Variants in FAT2 observed in about 807,000 individuals in gnomAD.
FAT2 encodes FAT atypical cadherin 2.
Under a neutral mutation model 295.3 loss-of-function variants are expected in FAT2, and 150 were observed. The ratio of observed to expected loss-of-function variants is 0.51; its 90% CI spans 0.44 to 0.58. FAT2 has a LOEUF of 0.58. Ranked by LOEUF, FAT2 falls within the 20% of genes least tolerant of loss-of-function variation. The pLI is 0.00. For missense variants in FAT2, 4,868 were observed against 5,442.7 expected (o/e 0.89, Z 3.32); for synonymous variants, 2,026 against 2,150.3 (o/e 0.94, Z 1.60).
intron 23 of FAT2, 42 bp from the exon 24 acceptor site, chr5:151,506,139 C>G: frequency 6.7e-7 from 1 of 1,490,006 alleles, no homozygotes; most frequent in Non-Finnish European, 8.9e-7. Flanking sequence ...ATTTTCTCCC[C>G]GGAAGGTTTC....
rs1554131128 is a variant in FAT2 at position 151,551,976 on chromosome 5, G to GGGGTGTGT, written c.4157-371_4157-370insACACACCC. Among the ~76,000 whole-genome samples, 198 of 143,648 alleles carry GGGGTGTGT rather than the reference G, an allele frequency of 1.4e-3. 4 individuals are homozygous for GGGGTGTGT. The East Asian group carries it at 0.015, about 11-fold the overall frequency. The allele number at this position is 143,648 out of a possible 152,430, so 94.2% of individuals were successfully genotyped here. A position where few individuals can be genotyped will look rare whatever the true frequency, so the allele number is the denominator to read the frequency against. Reference sequence around the variant, plus strand: ...AACAATACTTTAATATAACCCTAAGGGTGTGTGTGTGTGTGTGTGTGTGTG... The same window carrying GGGGTGTGT: ...AACAATACTTTAATATAACCCTAAGGGGGTGTGTGTGTGTGTGTGTGTGTGTGTGTGTG... On this transcript the variant is annotated intron_variant, in intron 6 of 23. Transcript: ENST00000261800.
chr5:151,523,186 C>T (rs1276172316), intron 18 of FAT2, among the ~76,000 whole-genome samples: 2 of 151,798 alleles, frequency 1.3e-5, no homozygotes, highest in Non-Finnish European at 2.9e-5. Flanking sequence ...TGCATAACAC[C>T]GAAGAGATAT....
chr5:151,551,378 C>T (rs2127623161), intron 7 of FAT2, 89 bp downstream of exon 7: 1 of 1,370,848 alleles, frequency 7.3e-7, no homozygotes, highest in Non-Finnish European at 1.0e-6. Flanking sequence ...AGGAACACCA[C>T]ATCCACAGAA....
intron 4 of FAT2, among the ~76,000 whole-genome samples, chr5:151,555,094 G>A (rs749281098): frequency 2.6e-5 from 4 of 152,200 alleles, no homozygotes; most frequent in Non-Finnish European, 2.9e-5. Flanking sequence ...ACATGTGCAC[G>A]TGGCCTGATG....
In FAT2 at chr5:151,566,654, C is replaced by T; in HGVS notation, c.2278G>A (p.Glu760Lys). Residue 760 changes from glutamate (E) to lysine (K), a missense_variant, in exon 2 of 24, where the codon GAG becomes AAG. By Grantham distance (56) the Glu-to-Lys change is moderately conservative. This residue lies in a region of FAT2 where 3,297 missense variants were observed against 3,669.4 expected (regional missense o/e 0.90). Coordinates refer to ENST00000261800, the MANE Select transcript of FAT2 (RefSeq NM_001447.3). ...LVYVIADGNE[E>K]GCFDIELETG... ...TCCAGCTCTATGTCAAAGCAGCCCT[C>T]CTCATTGCCATCTGCAATCACATAG... 2 of 1,614,184 alleles carry T rather than the reference C, an allele frequency of 1.2e-6. No homozygotes were observed. Among genetic ancestry groups the T allele is most frequent in the Non-Finnish European group, 1.7e-6 (2 of 1,180,038 alleles).
rs1756225929 is a variant in FAT2 at position 151,542,265 on chromosome 5, T to C, written c.8842+20A>G. On this transcript the variant is annotated intron_variant, in intron 10 of 23. Coordinates refer to ENST00000261800, the MANE Select transcript of FAT2 (RefSeq NM_001447.3). ...TTTCGATACATTCCAGAGCCTGCAG[T>C]CCATGACAGGTGTTCTTACCTGTGA... is the stretch of plus-strand genomic sequence containing the variant. 1.3e-6 allele frequency: 2 copies of C among 1,566,610 alleles called. No homozygotes were observed. The highest frequency in any genetic ancestry group is 1.7e-6 in the Non-Finnish European group (2 of 1,157,224).
At chr5:151,570,710 AGATGCGCTG>A (rs1361011265) in intron 1 of FAT2, among the ~76,000 whole-genome samples, 2 of 152,202 alleles carry the variant, frequency 1.3e-5, no homozygotes, top group African/African-American at 4.8e-5. Context: ...GCTGCCAGCC[AGATGCGCTG>A]GAGCATTCTT....
chr5:151,562,405 TA>T (rs952477626), intron 3 of FAT2, among the ~76,000 whole-genome samples: 1 of 152,132 alleles, frequency 6.6e-6, no homozygotes, highest in Admixed American at 6.5e-5. Context: ...GATGAGGCTT[TA>T]AGAAGTGTCT....
intron 2 of FAT2, 138 bp from the exon 3 acceptor site, chr5:151,563,777 C>A: frequency 1.5e-6 from 1 of 663,258 alleles, no homozygotes; most frequent in South Asian, 2.1e-5. Context: ...GAAGGAACTG[C>A]TTCTACCAGT....
intron 18 of FAT2, 46 bp from the exon 19 acceptor site, chr5:151,522,132 C>G (rs1350987312): frequency 1.4e-6 from 2 of 1,435,218 alleles, no homozygotes; most frequent in Admixed American, 2.2e-5. Flanking sequence ...AACTGCAGTG[C>G]TCTTGCGCCC....
chr5:151,591,402 C>T (rs1759401753), upstream of FAT2, among the ~76,000 whole-genome samples: 1 of 152,180 alleles, frequency 6.6e-6, no homozygotes, highest in Non-Finnish European at 1.5e-5. Flanking sequence ...CTCCTGCCAG[C>T]TCTCTGTCTC....
Position 151,531,945 on chromosome 5 carries a change from A to G in FAT2, c.9453T>C (p.Ser3151=). The G allele has an allele frequency of 6.2e-7, 1 of 1,614,182 alleles. No individual in the cohort carries two copies. Among genetic ancestry groups the G allele is most frequent in the South Asian group, 1.1e-5 (1 of 91,090 alleles). ...AGTGGCCTTCGGCTGAATCCGGCAGAGAGTAAACCACCTGGGCATTGGCGC... is the reference window on the plus strand; with the variant it reads ...AGTGGCCTTCGGCTGAATCCGGCAGGGAGTAAACCACCTGGGCATTGGCGC... ...DQGANAQVVY[S]LPDSAEGHFS... is the part of the protein sequence containing the mutation. Residue 3151 remains serine, a synonymous_variant, in exon 14 of 24, where the codon TCT becomes TCC. Coordinates refer to ENST00000261800, the MANE Select transcript of FAT2 (RefSeq NM_001447.3). The surrounding 1 kb of genome is among the most constrained non-coding windows in gnomAD (Gnocchi z 5.7).
chr5:151,524,948 T>G (rs1753836135), intron 18 of FAT2, among the ~76,000 whole-genome samples: 1 of 152,236 alleles, frequency 6.6e-6, no homozygotes, highest in Non-Finnish European at 1.5e-5. Flanking sequence ...TTATCATCAT[T>G]TGTAAAGATG....
upstream of FAT2, among the ~76,000 whole-genome samples, chr5:151,593,523 C>T (rs921564449): frequency 2.0e-5 from 3 of 152,184 alleles, no homozygotes; most frequent in Non-Finnish European, 4.4e-5. Context: ...AGCCTCCAGT[C>T]TCCCATGCAC....
At chr5:151,590,872 A>G (rs143278143) in intron 1 of FAT2, among the ~76,000 whole-genome samples, 401 of 152,312 alleles carry the variant, frequency 2.6e-3, no homozygotes, top group African/African-American at 9.2e-3. Flanking sequence ...CCAACTTTCC[A>G]CGTGTGCAAA....
At position 151,507,244 on chromosome 5, in the gene FAT2, T is replaced by C; in HGVS notation, c.12427A>G (p.Ser4143Gly). ...GCTGGCGGGAGTCTGGGGGGCACAC[T>C]GCAGACCACTGGCCGTTGCTTAGAA... ...PNSKQRPVVC[S>G]VPPRLPPAAV... Residue 4143 changes from serine (S) to glycine (G), a missense_variant, in exon 23 of 24, where the codon AGT (serine) becomes GGT (glycine). This residue lies in a region of FAT2 where 492 missense variants were observed against 482.6 expected (regional missense o/e 1.02). Transcript: ENST00000261800. The C allele has an allele frequency of 6.2e-7, 1 of 1,614,142 alleles. No individual in the cohort carries two copies. The highest frequency in any genetic ancestry group is 1.3e-5 in the African/African-American group (1 of 75,046).
At chr5:151,577,077 G>A (rs1758776206) in intron 1 of FAT2, among the ~76,000 whole-genome samples, 1 of 152,212 alleles carries the variant, frequency 6.6e-6, no homozygotes, top group South Asian at 2.1e-4. Flanking sequence ...AAAATGTCAT[G>A]ATGTGCTACA....
chr5:151,559,521 C>G (rs963651808), intron 3 of FAT2, among the ~76,000 whole-genome samples: 12 of 152,036 alleles, frequency 7.9e-5, no homozygotes, highest in African/African-American at 2.9e-4. Flanking sequence ...CCTTCCTTTC[C>G]TCCCTGCCCT....
chr5:151,534,394 CCTT>C lies in FAT2; in HGVS notation c.9427+12_9427+14del. On this transcript the variant is annotated intron_variant, in intron 13 of 23. Transcript: ENST00000261800. ...GGAGATCATTGGAAATGGCCTCAAT[CCTT>C]CTCAGACTCACCTTGGTCGGGATCC... The C allele has an allele frequency of 6.3e-7, 1 of 1,587,248 alleles. No homozygotes were observed. Among genetic ancestry groups the C allele is most frequent in the Non-Finnish European group, 8.6e-7 (1 of 1,162,280 alleles).
Sources: allele counts gnomAD v4.1 joint callset (sites outside exome capture counted in the v4.1 genomes callset), GRCh38; gene constraint gnomAD v4.1.1; regional missense constraint gnomAD v4.1.1; non-coding constraint Gnocchi (gnomAD v3.1); transcripts MANE v1.5; gene names NCBI Gene and HGNC (gene_info 2026-07-23, HGNC 2026-07-21).